ATXN10: variants seen among roughly 807,000 people sequenced by gnomAD.
The protein encoded by ATXN10 is ataxin 10.
Under a neutral mutation model 52.9 loss-of-function variants are expected in ATXN10, and 28 were observed. The ratio of observed to expected loss-of-function variants is 0.53; its 90% CI spans 0.39 to 0.73. ATXN10 has a LOEUF of 0.73. Ranked by LOEUF, ATXN10 falls within the 30% of genes least tolerant of loss-of-function variation. The probability of loss-of-function intolerance (pLI) is 0.00; values close to 1 mark genes in which losing one functional copy is unlikely to be tolerated. For missense variants in ATXN10, 565 were observed against 577.0 expected, an observed-to-expected ratio of 0.98 and a Z score of 0.21; for synonymous variants, 226 against 221.5, an observed-to-expected ratio of 1.02 and a Z score of -0.18.
At position 45,795,424 on chromosome 22, in the gene ATXN10, T is replaced by TATTCTATTCTATTG. The variant is rs1555896219; in HGVS notation, c.1174-11535_1174-11534insATTCTATTCTATTG. ...TATTCTATTCTATTCTATTCTATTC[T>TATTCTATTCTATTG]TTTTGAGATGAAGTCTCTCTATGTT... On this transcript the variant is annotated intron_variant, in intron 9 of 11. Transcript: ENST00000252934. This position sits in a 1 kb window ranked among gnomAD's most constrained non-coding sequence, Gnocchi z 4.6. Among the ~76,000 whole-genome samples the TATTCTATTCTATTG allele has an allele frequency of 6.8e-6, 1 of 147,456 alleles. No homozygotes were observed. Among genetic ancestry groups the TATTCTATTCTATTG allele is most frequent in the Non-Finnish European group, 1.5e-5 (1 of 67,192 alleles).
chr22:45,839,940 T>G (rs943394649), intron 10 of ATXN10, among the ~76,000 whole-genome samples: 2 of 152,232 alleles, frequency 1.3e-5, no homozygotes, highest in Non-Finnish European at 1.5e-5. Context: ...GAATGAGAGA[T>G]AGCATGCTTA....
Position 45,727,381 on chromosome 22 carries a change from C to G in ATXN10, c.729-2044C>G, listed in dbSNP as rs1289254490. Among the ~76,000 whole-genome samples, 3 of 115,324 alleles carry G rather than the reference C, an allele frequency of 2.6e-5. No homozygotes were observed. Among genetic ancestry groups the G allele is most frequent in the African/African-American group, 6.6e-5 (2 of 30,252 alleles). The allele number at this position is 115,324 out of a possible 152,430, so 75.7% of individuals were successfully genotyped here. A position where few individuals can be genotyped will look rare whatever the true frequency, so the allele number is the denominator to read the frequency against. On this transcript the variant is annotated intron_variant, in intron 6 of 11. Transcript: ENST00000252934. The surrounding 1 kb of genome is among the most constrained non-coding windows in gnomAD (Gnocchi z 4.6). ...TATCTATCTATCTATCTATCTGAGACTGAGTCTCGCTCTGTTGCCCAGGCT... is the reference window on the plus strand; with the variant it reads ...TATCTATCTATCTATCTATCTGAGAGTGAGTCTCGCTCTGTTGCCCAGGCT...
rs1418876670 is a variant in ATXN10 at position 45,769,422 on chromosome 22, G to A, written c.1173+28884G>A. Among the ~76,000 whole-genome samples the A allele has an allele frequency of 2.0e-5, 3 of 152,086 alleles. No homozygotes were observed. The highest frequency in any genetic ancestry group is 4.4e-5 in the Non-Finnish European group (3 of 68,032). On this transcript the variant is annotated intron_variant, in intron 9 of 11. Coordinates refer to ENST00000252934, the MANE Select transcript of ATXN10 (RefSeq NM_013236.4). This position sits in a 1 kb window ranked among gnomAD's most constrained non-coding sequence, Gnocchi z 4.2. ...GCATGAAATGGGTAGAATCCTGCCC[G>A]ATGAGGGCACAGAAGGCCCCCAATG...
chr22:45,774,161 G>A lies in ATXN10; in HGVS notation c.1174-32798G>A, dbSNP rs1461252049. 6.6e-6 allele frequency among the ~76,000 whole-genome samples: 1 copy of A among 152,252 alleles called. No individual in the cohort carries two copies. The highest frequency in any genetic ancestry group is 1.5e-5 in the Non-Finnish European group (1 of 68,044). On this transcript the variant is annotated intron_variant, in intron 9 of 11. Coordinates refer to ENST00000252934, the MANE Select transcript of ATXN10 (RefSeq NM_013236.4). This position sits in a 1 kb window ranked among gnomAD's most constrained non-coding sequence, Gnocchi z 6.2. ...GGAAGTACTGTGACAGCCTGCTAAT[G>A]TCTGGGGGTGGCCCTGCCTTAGTAG...
At chr22:45,758,372 C>A (rs756546144) in intron 9 of ATXN10, among the ~76,000 whole-genome samples, 1 of 152,212 alleles carries the variant, frequency 6.6e-6, no homozygotes, top group Admixed American at 6.5e-5. Flanking sequence ...TCAGAAAAAC[C>A]AGTTTTACTT....
chr22:45,831,560 T>C (rs1928993315), intron 10 of ATXN10, among the ~76,000 whole-genome samples: 3 of 152,190 alleles, frequency 2.0e-5, no homozygotes, highest in African/African-American at 7.2e-5. Context: ...AGTGCCTCTT[T>C]TCATGCCAGG....
At chr22:45,711,038 A>G (rs1924228042) in intron 5 of ATXN10, among the ~76,000 whole-genome samples, 1 of 152,134 alleles carries the variant, frequency 6.6e-6, no homozygotes, top group African/African-American at 2.4e-5. Flanking sequence ...TCAGCAATCT[A>G]TTCCTGAAAA....
intron 10 of ATXN10, among the ~76,000 whole-genome samples, chr22:45,838,649 A>G (rs1237087418): frequency 6.6e-6 from 1 of 152,156 alleles, no homozygotes; most frequent in Non-Finnish European, 1.5e-5. Flanking sequence ...ATTAACTGAG[A>G]CTTGCTTTAA....
chr22:45,819,245 T>C lies in ATXN10; in HGVS notation c.1237+12223T>C, dbSNP rs1928572294. On this transcript the variant is annotated intron_variant, in intron 10 of 11. Transcript: ENST00000252934. This position sits in a 1 kb window ranked among gnomAD's most constrained non-coding sequence, Gnocchi z 4.5. ...TAGAATAGAATAGAATAGAATAGAATAGAATAGGCTTTTATAATTCTTAAC... is the reference window on the plus strand; with the variant it reads ...TAGAATAGAATAGAATAGAATAGAACAGAATAGGCTTTTATAATTCTTAAC... Among the ~76,000 whole-genome samples the C allele has an allele frequency of 7.7e-6, 1 of 129,760 alleles. No individual in the cohort carries two copies. 85.1% of individuals were successfully genotyped at this position (129,760 alleles called of 152,430 possible).
intron 1 of ATXN10, 160 bp downstream of exon 1, chr22:45,672,339 C>G: frequency 2.6e-6 from 2 of 765,522 alleles, no homozygotes; most frequent in South Asian, 6.2e-5. Flanking sequence ...TCCCGACTCC[C>G]AGGCACCGCC....
At position 45,762,938 on chromosome 22, in the gene ATXN10, G is replaced by T. The variant is rs1281219252; in HGVS notation, c.1173+22400G>T. Among the ~76,000 whole-genome samples, 1 of 152,216 alleles carries T rather than the reference G, an allele frequency of 6.6e-6. No homozygotes were observed. The highest frequency in any genetic ancestry group is 1.5e-5 in the Non-Finnish European group (1 of 68,040). ...CATCACCTAGGGGCTTGTCTGAGAT[G>T]CAGAGTCTCAGGCTCTACCCCAGCA... On this transcript the variant is annotated intron_variant, in intron 9 of 11. Transcript: ENST00000252934. The surrounding 1 kb of genome is among the most constrained non-coding windows in gnomAD (Gnocchi z 4.3).
intron 9 of ATXN10, among the ~76,000 whole-genome samples, chr22:45,765,762 GTA>G (rs1926559900): frequency 6.6e-6 from 1 of 152,090 alleles, no homozygotes. Context: ...GTCCCTATTC[GTA>G]CCATGTGCTT....
intron 9 of ATXN10, among the ~76,000 whole-genome samples, chr22:45,768,688 G>A (rs1441301512): frequency 6.6e-6 from 1 of 152,214 alleles, no homozygotes; most frequent in Non-Finnish European, 1.5e-5. Context: ...GTGACAGATG[G>A]CTTGAAAGGA....
intron 1 of ATXN10, chr22:45,679,199 C>G (rs1365023089): frequency 1.3e-5 from 2 of 152,222 alleles, no homozygotes; most frequent in Non-Finnish European, 2.9e-5. Flanking sequence ...GAGGCCAGGA[C>G]TCTTATTTAC....
At position 45,758,012 on chromosome 22, in the gene ATXN10, T is replaced by C. The variant is rs190074981; in HGVS notation, c.1173+17474T>C. 2.2e-4 allele frequency among the ~76,000 whole-genome samples: 33 copies of C among 152,334 alleles called. No individual in the cohort carries two copies. The East Asian group carries it at 6.0e-3, about 28-fold the overall frequency. On this transcript the variant is annotated intron_variant, in intron 9 of 11. Coordinates refer to ENST00000252934, the MANE Select transcript of ATXN10 (RefSeq NM_013236.4). ...ACAAATTCAAACTAAATTTGATGCT[T>C]CCAAAGTATATGGCAGAGACGGATG...
Position 45,843,777 on chromosome 22 carries a change from T to A in ATXN10, c.*106T>A. 8.8e-7 allele frequency: 1 copy of A among 1,141,554 alleles called. No homozygotes were observed. Among genetic ancestry groups the A allele is most frequent in the South Asian group, 1.3e-5 (1 of 76,082 alleles). 70.7% of individuals were successfully genotyped at this position (1,141,554 alleles called of 1,614,324 possible). A position where few individuals can be genotyped will look rare whatever the true frequency, so the allele number is the denominator to read the frequency against. ...GTTTGAAGATTTATAAGTACAAATTTGGGAACATACAAATCTTTTAGGTAG... is the reference window on the plus strand; with the variant it reads ...GTTTGAAGATTTATAAGTACAAATTAGGGAACATACAAATCTTTTAGGTAG... On this transcript the variant is annotated 3_prime_UTR_variant, in exon 12 of 12. Coordinates refer to ENST00000252934, the MANE Select transcript of ATXN10 (RefSeq NM_013236.4). This position sits in a 1 kb window ranked among gnomAD's most constrained non-coding sequence, Gnocchi z 4.5.
At chr22:45,686,350 A>G (rs777460926) in intron 1 of ATXN10, among the ~76,000 whole-genome samples, 2 of 152,220 alleles carry the variant, frequency 1.3e-5, no homozygotes, top group Non-Finnish European at 2.9e-5. Context: ...AGAATAAGAT[A>G]GTCTCCATTT....
intron 9 of ATXN10, chr22:45,792,625 G>GT (rs1266042730): frequency 2.1e-5 from 5 of 242,332 alleles, no homozygotes; most frequent in Non-Finnish European, 4.3e-5. Flanking sequence ...AGTAGTTCAC[G>GT]TATGTGAGAA....
Position 45,772,203 on chromosome 22 carries a change from TTA to T in ATXN10, c.1173+31667_1173+31668del, listed in dbSNP as rs1199467005. 6.6e-6 allele frequency among the ~76,000 whole-genome samples: 1 copy of T among 152,216 alleles called. No individual in the cohort carries two copies. Among genetic ancestry groups the T allele is most frequent in the Non-Finnish European group, 1.5e-5 (1 of 68,032 alleles). ...TTTTTCTTCCTAAAATTTTGTAGTT[TTA>T]TGTTTTGTGTTTAGATCTAGGATCC... On this transcript the variant is annotated intron_variant, in intron 9 of 11. Coordinates refer to ENST00000252934, the MANE Select transcript of ATXN10 (RefSeq NM_013236.4). This position sits in a 1 kb window ranked among gnomAD's most constrained non-coding sequence, Gnocchi z 4.1.
Sources: gnomAD v4.1 joint callset for allele counts (sites outside exome capture counted in the v4.1 genomes callset) on GRCh38, gnomAD v4.1.1 for gene constraint, Gnocchi (gnomAD v3.1) non-coding constraint, MANE v1.5 for transcripts, NCBI Gene and HGNC (gene_info 2026-07-23, HGNC 2026-07-21) for gene names.